Variants in STX8 observed in about 807,000 individuals in gnomAD.
The protein encoded by STX8 is syntaxin 8.
Under a neutral mutation model 37.5 loss-of-function variants are expected in STX8, and 23 were observed. The observed-to-expected ratio is 0.61, with a 90% CI of 0.44 to 0.87. The LOEUF (loss-of-function observed/expected upper bound fraction) is 0.87, where lower values mean the gene tolerates loss of function less well. STX8 is among the 40% of genes least tolerant of loss of function. The pLI is 0.00. For synonymous variants in STX8, 115 were observed against 99.1 expected, an observed-to-expected ratio of 1.16 and a Z score of -0.95; for missense variants, 313 against 284.7, an observed-to-expected ratio of 1.10 and a Z score of -0.71.
chr17:9,333,943 C>G (rs947295033), intron 7 of STX8, among the ~76,000 whole-genome samples: 1 of 152,084 alleles, frequency 6.6e-6, no homozygotes, highest in Admixed American at 6.6e-5. Flanking sequence ...CAGTAATTAT[C>G]ACAGAACCGG....
chr17:9,544,604 AAAG>A (rs543306814), intron 4 of STX8, among the ~76,000 whole-genome samples: 107 of 152,312 alleles, frequency 7.0e-4, no homozygotes, highest in African/African-American at 2.2e-3. Context: ...AAAGAATGCC[AAAG>A]AAATGTTCTG....
At chr17:9,281,077 G>C (rs1907863860) in intron 7 of STX8, among the ~76,000 whole-genome samples, 1 of 152,142 alleles carries the variant, frequency 6.6e-6, no homozygotes, top group African/African-American at 2.4e-5. Context: ...AATGGTGGAG[G>C]GGGAGGGTTC....
chr17:9,287,940 G>C (rs1490007931), intron 7 of STX8, among the ~76,000 whole-genome samples: 1 of 151,760 alleles, frequency 6.6e-6, no homozygotes, highest in East Asian at 1.9e-4. Flanking sequence ...GGTAGAGACA[G>C]GGTTTCACCA....
intron 3 of STX8, among the ~76,000 whole-genome samples, chr17:9,552,460 T>C (rs1022676708): frequency 6.6e-6 from 1 of 152,156 alleles, no homozygotes; most frequent in Non-Finnish European, 1.5e-5. Flanking sequence ...AGGGACAGTG[T>C]TTGAAAACCA....
chr17:9,324,132 A>T (rs879337036), intron 7 of STX8, among the ~76,000 whole-genome samples: 244 of 113,980 alleles, frequency 2.1e-3, no homozygotes, highest in Non-Finnish European at 3.0e-3. Flanking sequence ...TCTCTCACAC[A>T]CACACACACA....
In STX8 at chr17:9,526,166, G is replaced by C. The variant is rs558515555; in HGVS notation, c.323+19006C>G. On this transcript the variant is annotated intron_variant, in intron 4 of 7. Coordinates refer to ENST00000306357, the MANE Select transcript of STX8 (RefSeq NM_004853.3). Reference sequence around the variant, plus strand: ...AGGGAATCATGGTAAGATTTCAAAAGTACGAGAGACAAAGCCCAAGGGACA... The same window carrying C: ...AGGGAATCATGGTAAGATTTCAAAACTACGAGAGACAAAGCCCAAGGGACA... Among the ~76,000 whole-genome samples, 7 of 117,346 alleles carry C rather than the reference G, an allele frequency of 6.0e-5. No homozygotes were observed. In the East Asian group the frequency reaches 2.4e-3, roughly 40 times the overall value. 77.0% of individuals were successfully genotyped at this position (117,346 alleles called of 152,430 possible). A position where few individuals can be genotyped will look rare whatever the true frequency, so the allele number is the denominator to read the frequency against.
chr17:9,446,756 A>G (rs559757744), intron 6 of STX8, among the ~76,000 whole-genome samples: 1 of 152,340 alleles, frequency 6.6e-6, no homozygotes, highest in South Asian at 2.1e-4. Context: ...AATCCACACC[A>G]AGAATGACTG....
chr17:9,505,393 G>A (rs1904785957), intron 4 of STX8, among the ~76,000 whole-genome samples: 1 of 152,078 alleles, frequency 6.6e-6, no homozygotes, highest in South Asian at 2.1e-4. Flanking sequence ...AGAGATGATG[G>A]GAGAACATAA....
At chr17:9,294,255 G>A (rs1208006274) in intron 7 of STX8, among the ~76,000 whole-genome samples, 1 of 152,210 alleles carries the variant, frequency 6.6e-6, no homozygotes, top group African/African-American at 2.4e-5. Flanking sequence ...AGGAAGGAAA[G>A]GAAAGATATG....
intron 6 of STX8, among the ~76,000 whole-genome samples, chr17:9,385,275 T>C (rs759584439): frequency 6.6e-6 from 1 of 152,178 alleles, no homozygotes; most frequent in Non-Finnish European, 1.5e-5. Flanking sequence ...TGTTTATATA[T>C]AGTAGCATAT....
intron 6 of STX8, among the ~76,000 whole-genome samples, chr17:9,445,116 G>C (rs1356292810): frequency 6.6e-6 from 1 of 152,094 alleles, no homozygotes; most frequent in Non-Finnish European, 1.5e-5. Flanking sequence ...TGCACTCTCT[G>C]CCCAGAAAAA....
chr17:9,559,752 A>ATTT (rs1567610125), intron 2 of STX8, among the ~76,000 whole-genome samples: 1 of 35,012 alleles, frequency 2.9e-5, no homozygotes, highest in Non-Finnish European at 5.1e-5. Context: ...ATATATATAT[A>ATTT]TATATATATT....
chr17:9,560,447 T>C (rs1907187160), intron 2 of STX8, among the ~76,000 whole-genome samples: 1 of 138,128 alleles, frequency 7.2e-6, no homozygotes, highest in Non-Finnish European at 1.6e-5. Context: ...TCATTAGTCA[T>C]AAAGTGAAAA....
At chr17:9,555,091 G>T (rs1434092985) in intron 3 of STX8, 1 of 152,048 alleles carries the variant, frequency 6.6e-6, no homozygotes, top group Non-Finnish European at 1.5e-5. Context: ...TTGAATTTTT[G>T]ATGTCTCCTG....
intron 7 of STX8, among the ~76,000 whole-genome samples, chr17:9,327,349 GAGA>G (rs1299383571): frequency 2.0e-5 from 3 of 150,146 alleles, no homozygotes; most frequent in African/African-American, 4.9e-5. Flanking sequence ...GGAGGAGGAG[GAGA>G]AGGAGAGGGA....
intron 6 of STX8, among the ~76,000 whole-genome samples, chr17:9,475,260 G>C (rs8077389): frequency 0.025 from 3,794 of 152,314 alleles, 141 homozygotes; most frequent in African/African-American, 0.084. Context: ...TTCAAGAATA[G>C]AGTTGGGACT....
chr17:9,535,080 C>G (rs1485808146), intron 4 of STX8, among the ~76,000 whole-genome samples: 2 of 152,168 alleles, frequency 1.3e-5, no homozygotes, highest in African/African-American at 4.8e-5. Flanking sequence ...GATTCATACT[C>G]TTCACCAATT....
chr17:9,394,729 C>T (rs1451072332), intron 6 of STX8, among the ~76,000 whole-genome samples: 1 of 151,802 alleles, frequency 6.6e-6, no homozygotes, highest in African/African-American at 2.4e-5. Context: ...TTGCCAGATG[C>T]TAAGCCATTG....
chr17:9,364,349 C>G (rs1175848035), intron 7 of STX8, among the ~76,000 whole-genome samples: 1 of 152,110 alleles, frequency 6.6e-6, no homozygotes, highest in Non-Finnish European at 1.5e-5. Flanking sequence ...ATATTATCTT[C>G]ATGATGGAGA....
Sources: gnomAD v4.1 joint callset for allele counts (sites outside exome capture counted in the v4.1 genomes callset) on GRCh38, gnomAD v4.1.1 for gene constraint, MANE v1.5 for transcripts, NCBI Gene and HGNC (gene_info 2026-07-23, HGNC 2026-07-21) for gene names.